The following ACAT1 variants were observed in gnomAD, a reference collection of about 807,000 sequenced individuals.
ACAT1 encodes the protein acetyl-CoA acetyltransferase, mitochondrial.
In ACAT1, 28 loss-of-function variants were observed where a neutral mutation model predicts 47.3. The observed-to-expected ratio is 0.59, with a 90% CI of 0.44 to 0.81. The LOEUF is 0.81. ACAT1 is among the 30% of genes least tolerant of loss of function. The probability of loss-of-function intolerance (pLI) is 0.00; values close to 1 mark genes in which losing one functional copy is unlikely to be tolerated. For missense variants in ACAT1, 469 were observed against 524.3 expected (o/e 0.89, Z 1.03); for synonymous variants, 181 against 173.6 (o/e 1.04, Z -0.34).
At chr11:108,125,880 C>T (rs200732741) in intron 1 of ACAT1, among the ~76,000 whole-genome samples, 11 of 148,156 alleles carry the variant, frequency 7.4e-5, no homozygotes, top group East Asian at 2.1e-4. Flanking sequence ...GAGCCGAGAT[C>T]GCGCCACTGC....
In ACAT1 at chr11:108,147,461, G is replaced by A; in HGVS notation, c.*71G>A. On this transcript the variant is annotated 3_prime_UTR_variant, in exon 12 of 12. Transcript: ENST00000265838. ...CTGCTGTAATCAGTGTGACTACTGT[G>A]GGTCAGCTTATATTCAGATAAGCTG... 7 of 1,580,392 alleles carry A rather than the reference G, an allele frequency of 4.4e-6. No individual in the cohort carries two copies. The Admixed American group carries it at 6.7e-5, about 15-fold the overall frequency.
At chr11:108,125,680 C>G (rs1253712777) in intron 1 of ACAT1, among the ~76,000 whole-genome samples, 1 of 152,166 alleles carries the variant, frequency 6.6e-6, no homozygotes, top group Non-Finnish European at 1.5e-5. Flanking sequence ...GTAATCCCAG[C>G]ACTTTGGGAG....
intron 1 of ACAT1, among the ~76,000 whole-genome samples, chr11:108,127,188 C>G (rs1046341098): frequency 7.9e-5 from 12 of 150,950 alleles, no homozygotes; most frequent in African/African-American, 2.7e-4. Flanking sequence ...CAGGTTGGCG[C>G]TTGGGTGTGA....
chr11:108,140,392 A>T (rs139533236), intron 7 of ACAT1, among the ~76,000 whole-genome samples, 177 bp downstream of exon 7: 1 of 152,260 alleles, frequency 6.6e-6, no homozygotes, highest in Admixed American at 6.5e-5. Context: ...TCAGATTTCA[A>T]TCCATTTATA....
intron 5 of ACAT1, among the ~76,000 whole-genome samples, chr11:108,137,519 A>C (rs78419321): frequency 0.019 from 2,904 of 152,326 alleles, 61 homozygotes; most frequent in African/African-American, 0.05. Flanking sequence ...AAATTATCTC[A>C]GCTGTCCAGG....
At chr11:108,117,464 C>A (rs951203923), upstream of ACAT1, among the ~76,000 whole-genome samples, 3 of 152,024 alleles carry the variant, frequency 2.0e-5, no homozygotes, top group African/African-American at 7.2e-5. Flanking sequence ...CCCATCACCA[C>A]ACCCAGCTAA....
intron 9 of ACAT1, chr11:108,143,251 C>G (rs1009337537): frequency 9.2e-5 from 14 of 152,156 alleles, no homozygotes; most frequent in Admixed American, 5.9e-4. Context: ...TGCAGCCAGC[C>G]TAGGCAACAG....
intron 1 of ACAT1, among the ~76,000 whole-genome samples, chr11:108,126,584 G>A (rs1281120229): frequency 6.6e-6 from 1 of 152,142 alleles, no homozygotes; most frequent in Non-Finnish European, 1.5e-5. Context: ...GTCAGGGGAG[G>A]CAGGGAACTA....
At position 108,147,258 on chromosome 11, in the gene ACAT1, T is replaced by A; in HGVS notation, c.1164-12T>A. 6.2e-7 allele frequency: 1 copy of A among 1,613,600 alleles called. No homozygotes were observed. The highest frequency in any genetic ancestry group is 8.5e-7 in the Non-Finnish European group (1 of 1,179,684). On this transcript the variant is annotated splice_polypyrimidine_tract_variant and intron_variant, in intron 11 of 11. Coordinates refer to ENST00000265838, the MANE Select transcript of ACAT1 (RefSeq NM_000019.4). ...TACTTCATTAAAGAAGTAAATGCTT[T>A]CTTAATTTTAGGATGTCTGGAGCCA...
At chr11:108,140,711 G>C (rs1313756916) in intron 7 of ACAT1, among the ~76,000 whole-genome samples, 1 of 152,194 alleles carries the variant, frequency 6.6e-6, no homozygotes, top group Non-Finnish European at 1.5e-5. Flanking sequence ...TCAAAAAGGA[G>C]AGACTTTCTC....
chr11:108,126,259 T>A (rs997031159), intron 1 of ACAT1, among the ~76,000 whole-genome samples: 4 of 152,122 alleles, frequency 2.6e-5, no homozygotes, highest in African/African-American at 7.2e-5. Context: ...TGCCTCGGCC[T>A]CCCAAAGGGC....
Position 108,140,103 on chromosome 11 carries a change from T to C in ACAT1, c.618T>C (p.Ile206=). 2 of 1,614,150 alleles carry C rather than the reference T, an allele frequency of 1.2e-6. No homozygotes were observed. The highest frequency in any genetic ancestry group is 1.7e-6 in the Non-Finnish European group (2 of 1,180,000). Residue 206 remains isoleucine, a synonymous_variant, in exon 7 of 12, where the codon ATT becomes ATC. Coordinates refer to ENST00000265838, the MANE Select transcript of ACAT1 (RefSeq NM_000019.4). ...AGAATACAGCAAAGAAGCTGAATAT[T>C]GCACGAAATGAACAGGACGCTTATG... ...CAENTAKKLN[I]ARNEQDAYAI...
At position 108,131,947 on chromosome 11, in the gene ACAT1, C is replaced by T. The variant is rs142869776; in HGVS notation, c.113C>T (p.Thr38Ile). ...YVERSYVSKP[T>I]LKEVVIVSAT... ...GAACGGAGTTATGTATCAAAACCCA[C>T]TTTGAAGGTAAGTAATTTAAATTGT... The change falls in exon 2 of 12, where the codon ACT becomes ATT. Residue 38 changes from threonine to isoleucine, a missense_variant. Thr to Ile is a moderately conservative substitution (Grantham distance 89). Coordinates refer to ENST00000265838, the MANE Select transcript of ACAT1 (RefSeq NM_000019.4). 2.7e-5 allele frequency: 40 copies of T among 1,504,988 alleles called. No individual in the cohort carries two copies. In the African/African-American group the frequency reaches 5.1e-4, roughly 19 times the overall value. The allele number at this position is 1,504,988 out of a possible 1,614,324, so 93.2% of individuals were successfully genotyped here. A position where few individuals can be genotyped will look rare whatever the true frequency, so the allele number is the denominator to read the frequency against.
chr11:108,130,775 G>A (rs926004260), intron 1 of ACAT1, among the ~76,000 whole-genome samples: 25 of 147,330 alleles, frequency 1.7e-4, no homozygotes, highest in African/African-American at 6.0e-4. Context: ...TTATTATGGA[G>A]TTTCACTCTT....
chr11:108,146,953 G>A lies in ACAT1; in HGVS notation c.1164-317G>A, dbSNP rs111450218. 8.0e-4 allele frequency among the ~76,000 whole-genome samples: 122 copies of A among 152,264 alleles called. 1 individual carries two copies. The highest frequency in any genetic ancestry group is 2.8e-3 in the African/African-American group (118 of 41,570). ...AAATTAGCTGGGTGTGGTGGTGCAC[G>A]CCTGTAGTCCCAGCTACTTGGGAGG... On this transcript the variant is annotated intron_variant, in intron 11 of 11. Transcript: ENST00000265838.
chr11:108,139,999 G>A, intron 6 of ACAT1, 66 bp from the exon 7 acceptor site: 1 of 1,531,780 alleles, frequency 6.5e-7, no homozygotes, highest in Non-Finnish European at 8.9e-7. Flanking sequence ...TATAAGTTAG[G>A]CAAAGTTAAT....
At chr11:108,137,498 G>C (rs1326615897) in intron 5 of ACAT1, among the ~76,000 whole-genome samples, 1 of 152,202 alleles carries the variant, frequency 6.6e-6, no homozygotes, top group Non-Finnish European at 1.5e-5. Flanking sequence ...CATGTCAGAA[G>C]ATCAAGTGGA....
At chr11:108,135,054 ATGT>A (rs1261353604) in intron 4 of ACAT1, 85 bp from the exon 5 acceptor site, 10 of 856,476 alleles carry the variant, frequency 1.2e-5, no homozygotes, top group Middle Eastern at 2.4e-4. Flanking sequence ...GGCAGAAGAA[ATGT>A]TGTAGTTTAT....
intron 5 of ACAT1, chr11:108,136,804 A>G (rs983447656): frequency 1.1e-4 from 16 of 152,212 alleles, no homozygotes; most frequent in African/African-American, 3.9e-4. Flanking sequence ...GAATTTCTCT[A>G]TTTCGGAATA....
Sources: allele counts gnomAD v4.1 joint callset (sites outside exome capture counted in the v4.1 genomes callset), GRCh38; gene constraint gnomAD v4.1.1; transcripts MANE v1.5; gene names NCBI Gene and HGNC (gene_info 2026-07-23, HGNC 2026-07-21).